Variants in CEP72 observed in about 807,000 individuals in gnomAD.
CEP72 encodes the protein centrosomal protein 72.
Under a neutral mutation model 65.7 loss-of-function variants are expected in CEP72, and 78 were observed. The observed-to-expected ratio is 1.19, with a 90% CI of 0.99 to 1.43. CEP72 has a LOEUF of 1.43. Ranked by LOEUF, CEP72 falls within the 40% of genes most tolerant of loss-of-function variation. The pLI is 0.00. For synonymous variants in CEP72, 358 were observed against 351.7 expected, an observed-to-expected ratio of 1.02 and a Z score of -0.20; for missense variants, 914 against 832.9, an observed-to-expected ratio of 1.10 and a Z score of -1.20.
rs1453381935 is a variant in CEP72 at position 639,113 on chromosome 5, C to T, written c.1231C>T (p.Leu411=). The T allele has an allele frequency of 5.0e-6, 8 of 1,613,386 alleles. No homozygotes were observed. The highest frequency in any genetic ancestry group is 3.3e-4 in the Middle Eastern group (2 of 6,058). The change falls in exon 8 of 12, where the codon CTA becomes TTA. Residue 411 remains leucine, a synonymous_variant. Coordinates refer to ENST00000264935, the MANE Select transcript of CEP72 (RefSeq NM_018140.4). ...GCCGTCTCCCGGGTCACACTCGGCTCTACCCGGGAAGAAGACGGCCCTGCA... is the reference window on the plus strand; with the variant it reads ...GCCGTCTCCCGGGTCACACTCGGCTTTACCCGGGAAGAAGACGGCCCTGCA... ...REPSPGSHSA[L]PGKKTALQAA...
At chr5:634,067 C>T (rs2126778085) in intron 5 of CEP72, 120 bp downstream of exon 5, 1 of 842,774 alleles carries the variant, frequency 1.2e-6, no homozygotes, top group East Asian at 2.6e-5. Context: ...AGGATAGGAT[C>T]TTCATGATGT....
exon 3 of CEP72, chr5:665,207 C>G (rs768645745): frequency 6.2e-7 from 1 of 1,613,904 alleles, no homozygotes; most frequent in South Asian, 1.1e-5. Flanking sequence ...TGCCCTTGCC[C>G]TTGCCAGAGG....
rs560093218 is a variant in CEP72, at chr5:640,731, C to A, written c.1539+127C>A. 2,454 of 1,440,798 alleles carry A rather than the reference C, an allele frequency of 1.7e-3. 3 individuals carry two copies. Among genetic ancestry groups the A allele is most frequent in the Non-Finnish European group, 2.1e-3 (2,278 of 1,101,788 alleles). The allele number at this position is 1,440,798 out of a possible 1,614,324, so 89.3% of individuals were successfully genotyped here. On this transcript the variant is annotated intron_variant, in intron 9 of 11. Transcript: ENST00000264935. Reference sequence around the variant, plus strand: ...CTGCCATCTCTGCAGCCCCATGTCTCCACTCCCTGCCCGGGACCCGGCCAC... The same window carrying A: ...CTGCCATCTCTGCAGCCCCATGTCTACACTCCCTGCCCGGGACCCGGCCAC...
In CEP72 at chr5:637,766, A is replaced by G; in HGVS notation, c.1154A>G (p.Glu385Gly). ...AACGGGAGGACCTTGTCTCAGCCTG[A>G]GGCCTCGGAGACTGAGGAGCAGAGG... Reference protein sequence around the residue: ...SRNGRTLSQPEASETEEQRSR... With the variant: ...SRNGRTLSQPGASETEEQRSR... Residue 385 changes from glutamate to glycine, a missense_variant, in exon 7 of 12, where the codon GAG (glutamate) becomes GGG (glycine). Transcript: ENST00000264935. 1 of 1,608,234 alleles carries G rather than the reference A, an allele frequency of 6.2e-7. No individual in the cohort carries two copies. The highest frequency in any genetic ancestry group is 2.2e-5 in the East Asian group (1 of 44,672).
intron 2 of CEP72, among the ~76,000 whole-genome samples, chr5:619,797 C>G (rs1178240333): frequency 6.6e-6 from 1 of 152,180 alleles, no homozygotes; most frequent in East Asian, 1.9e-4. Flanking sequence ...TGTGCGTGCA[C>G]ATCACTCAGC....
intron 9 of CEP72, chr5:641,147 G>A: frequency 1.0e-6 from 1 of 984,272 alleles, no homozygotes; most frequent in Middle Eastern, 5.2e-4. Flanking sequence ...CGTCTCATCT[G>A]AGGCCTCATG....
intron 11 of CEP72, among the ~76,000 whole-genome samples, chr5:648,735 CATGACT>C (rs1561061782): frequency 4.6e-4 from 16 of 34,644 alleles, no homozygotes; most frequent in African/African-American, 1.5e-3. Context: ...GACTGTGAGG[CATGACT>C]GTGAGGTGTG....
chr5:643,492 G>C, intron 9 of CEP72: 1 of 985,346 alleles, frequency 1.0e-6, no homozygotes, highest in Non-Finnish European at 1.2e-6. Context: ...TGCATGCTGA[G>C]GGGGCTGTCG....
chr5:653,988 T>C, downstream of CEP72, among the ~76,000 whole-genome samples: 1 of 145,006 alleles, frequency 6.9e-6, no homozygotes, highest in South Asian at 2.2e-4. Context: ...TGTGTGTGTG[T>C]GTGCCCTTGC....
At chr5:613,612 C>T (rs981883771) in intron 1 of CEP72, among the ~76,000 whole-genome samples, 1 of 152,186 alleles carries the variant, frequency 6.6e-6, no homozygotes, top group Admixed American at 6.5e-5. Flanking sequence ...GGTGATCCAC[C>T]TGCCTTGGCC....
chr5:644,329 T>G lies in CEP72; in HGVS notation c.1570T>G (p.Leu524Val). Residue 524 changes from leucine (L) to valine (V), a missense_variant, in exon 10 of 12, where the codon TTG (leucine) becomes GTG (valine). Coordinates refer to ENST00000264935, the MANE Select transcript of CEP72 (RefSeq NM_018140.4). The part of the protein sequence containing the change: ...DDLRQHLDKS[L>V]EENSRLKSLL... ...TTTGAGACAACATTTAGATAAATCT[T>G]TGGAAGAGAACAGTAGGTTAAAATC... The G allele has an allele frequency of 4.3e-6, 7 of 1,613,896 alleles. No homozygotes were observed. Among genetic ancestry groups the G allele is most frequent in the Non-Finnish European group, 5.9e-6 (7 of 1,179,938 alleles).
At chr5:635,696 TC>T in intron 6 of CEP72, 112 bp downstream of exon 6, 1 of 892,688 alleles carries the variant, frequency 1.1e-6, no homozygotes. Flanking sequence ...GGCTGGGAAG[TC>T]CAAGAGCACG....
chr5:618,993 A>G lies in CEP72; in HGVS notation c.86A>G (p.Glu29Gly). 6.2e-7 allele frequency: 1 copy of G among 1,606,062 alleles called. No individual in the cohort carries two copies. Among genetic ancestry groups the G allele is most frequent in the Non-Finnish European group, 8.5e-7 (1 of 1,173,542 alleles). ...SGLGPHRDLAELQSLSIPGTY... is the reference protein window; with the variant it reads ...SGLGPHRDLAGLQSLSIPGTY... Reference sequence around the variant, plus strand: ...CTTACAATTTTTCTATTCTTAGCTGAGCTTCAGTCATTGTCTATTCCTGGA... The same window carrying G: ...CTTACAATTTTTCTATTCTTAGCTGGGCTTCAGTCATTGTCTATTCCTGGA... The change falls in exon 2 of 12, where the codon GAG (glutamate) becomes GGG (glycine). Residue 29 changes from glutamate to glycine, a missense_variant. Transcript: ENST00000264935.
At chr5:666,538 A>C (rs1739923112) in intron 4 of CEP72, among the ~76,000 whole-genome samples, 1 of 152,156 alleles carries the variant, frequency 6.6e-6, no homozygotes, top group South Asian at 2.1e-4. Context: ...GGTGTCCCCC[A>C]CACAGGAACA....
At chr5:637,853 C>T (rs1160936168) in intron 7 of CEP72, 35 bp downstream of exon 7, 1 of 1,479,482 alleles carries the variant, frequency 6.8e-7, no homozygotes, top group Admixed American at 2.4e-5. Flanking sequence ...AGGCCCACGG[C>T]ACTGCCTCCC....
At chr5:646,829 C>A (rs764050298) in intron 10 of CEP72, among the ~76,000 whole-genome samples, 1 of 152,220 alleles carries the variant, frequency 6.6e-6, no homozygotes, top group Non-Finnish European at 1.5e-5. Flanking sequence ...GCCTCACTCC[C>A]GCAGAGGTGG....
At chr5:614,480 G>A (rs1021349458) in intron 1 of CEP72, among the ~76,000 whole-genome samples, 5 of 124,724 alleles carry the variant, frequency 4.0e-5, no homozygotes, top group Non-Finnish European at 6.3e-5. Flanking sequence ...GTGGAGTCTC[G>A]CTCTGTCACC....
chr5:674,636 G>T, the CEP72 span, among the ~76,000 whole-genome samples: 2 of 152,188 alleles, frequency 1.3e-5, no homozygotes, highest in East Asian at 3.9e-4. Flanking sequence ...CCACCAGAGC[G>T]GCCCTGGTCA....
At chr5:627,950 A>G (rs1736859679) in intron 4 of CEP72, among the ~76,000 whole-genome samples, 1 of 152,220 alleles carries the variant, frequency 6.6e-6, no homozygotes, top group African/African-American at 2.4e-5. Flanking sequence ...CAACGTGTGG[A>G]TGCACTTTCC....
Sources: gnomAD v4.1 joint callset for allele counts (sites outside exome capture counted in the v4.1 genomes callset) on GRCh38, gnomAD v4.1.1 for gene constraint, MANE v1.5 for transcripts, NCBI Gene and HGNC (gene_info 2026-07-23, HGNC 2026-07-21) for gene names.